ANKFY1: variants seen among roughly 807,000 people sequenced by gnomAD.
ANKFY1 encodes the protein ankyrin repeat and FYVE domain-containing protein 1.
ANKFY1 carries 47 observed loss-of-function variants against 128.3 expected under a neutral mutation model. That is an observed-to-expected ratio of 0.37 (90% CI 0.29 to 0.47). The LOEUF (loss-of-function observed/expected upper bound fraction) is 0.47, where lower values mean the gene tolerates loss of function less well. ANKFY1 is among the 20% of genes least tolerant of loss of function. The probability of loss-of-function intolerance (pLI) is 1.00; values close to 1 mark genes in which losing one functional copy is unlikely to be tolerated. For missense variants in ANKFY1, 1,222 were observed against 1,510.6 expected (o/e 0.81, Z 3.17); for synonymous variants, 553 against 601.6 (o/e 0.92, Z 1.18).
chr17:4,174,353 C>T (rs1450316353), intron 19 of ANKFY1, among the ~76,000 whole-genome samples: 3 of 152,230 alleles, frequency 2.0e-5, no homozygotes, highest in South Asian at 2.1e-4. Context: ...CAGTGATGGC[C>T]GCTGTACTAT....
At chr17:4,244,862 G>C (rs1487740352) in intron 1 of ANKFY1, among the ~76,000 whole-genome samples, 20 of 151,930 alleles carry the variant, frequency 1.3e-4, no homozygotes, top group Admixed American at 1.3e-3. Flanking sequence ...GTCAGCATAC[G>C]AGCCAGTTTA....
rs111450103 is a variant in ANKFY1 at position 4,199,500 on chromosome 17, T to C, written c.899-1923A>G. The stretch of plus-strand genomic sequence containing the variant: ...AGCCACTGTGTCTGGCCAAAATTCA[T>C]TAATTTTAATAGTTTCATTTACCAT... On this transcript the variant is annotated intron_variant, in intron 7 of 24. Transcript: ENST00000341657. 7.3e-3 allele frequency among the ~76,000 whole-genome samples: 1,117 copies of C among 152,332 alleles called. 16 individuals are homozygous for C. Among genetic ancestry groups the C allele is most frequent in the African/African-American group, 0.026 (1,063 of 41,578 alleles).
At chr17:4,209,059 C>CAA (rs60135844) in intron 5 of ANKFY1, among the ~76,000 whole-genome samples, 1 of 147,310 alleles carries the variant, frequency 6.8e-6, no homozygotes, top group African/African-American at 2.5e-5. Flanking sequence ...AACTCAGTCT[C>CAA]AAAAAAAAAA....
intron 19 of ANKFY1, among the ~76,000 whole-genome samples, chr17:4,175,491 G>A (rs910915071): frequency 2.0e-5 from 3 of 152,178 alleles, no homozygotes; most frequent in African/African-American, 7.2e-5. Context: ...GCTGTAAACA[G>A]AAAATACATG....
intron 10 of ANKFY1, among the ~76,000 whole-genome samples, chr17:4,191,606 A>C (rs1007640134): frequency 2.1e-5 from 3 of 145,630 alleles, no homozygotes; most frequent in African/African-American, 5.1e-5. Flanking sequence ...TGGTTACTCT[A>C]ATCTGGAGAC....
intron 4 of ANKFY1, among the ~76,000 whole-genome samples, chr17:4,215,447 C>T (rs2060205488): frequency 6.6e-6 from 1 of 152,134 alleles, no homozygotes; most frequent in Non-Finnish European, 1.5e-5. Flanking sequence ...ACAAAAAGAG[C>T]AACGGCTGCT....
intron 1 of ANKFY1, among the ~76,000 whole-genome samples, chr17:4,253,970 A>G (rs917620314): frequency 2.6e-5 from 4 of 152,198 alleles, no homozygotes; most frequent in African/African-American, 7.2e-5. Context: ...GCATTGACCA[A>G]AACATCATTA....
rs1195931016 is a variant in ANKFY1 at position 4,213,960 on chromosome 17, C to T, written c.458+3023G>A. ...ACCACAGCAATGTCTGACAAAGTCA[C>T]TCTAACCTCAGCCATGAAATCAGAG... On this transcript the variant is annotated intron_variant, in intron 4 of 24. Coordinates refer to ENST00000341657, the MANE Select transcript of ANKFY1 (RefSeq NM_001330063.2). Among the ~76,000 whole-genome samples, 9 of 152,158 alleles carry T rather than the reference C, an allele frequency of 5.9e-5. 1 individual carries two copies. In the East Asian group the frequency reaches 1.7e-3, roughly 29 times the overall value.
intron 3 of ANKFY1, chr17:4,223,315 C>T: frequency 7.7e-7 from 1 of 1,291,980 alleles, no homozygotes; most frequent in South Asian, 1.2e-5. Context: ...TAGTAGAGGC[C>T]AATAATCCAC....
At chr17:4,262,721 G>C (rs1397872513) in intron 1 of ANKFY1, among the ~76,000 whole-genome samples, 1 of 151,862 alleles carries the variant, frequency 6.6e-6, no homozygotes, top group East Asian at 1.9e-4. Flanking sequence ...TACTCCAGCC[G>C]GTGGGACAGA....
chr17:4,230,721 TA>T, intron 3 of ANKFY1, among the ~76,000 whole-genome samples: 1 of 152,352 alleles, frequency 6.6e-6, no homozygotes, highest in South Asian at 2.1e-4. Context: ...ATGAAATGGT[TA>T]TAAGCTAATT....
intron 2 of ANKFY1, among the ~76,000 whole-genome samples, chr17:4,237,109 C>G (rs1966943130): frequency 6.6e-6 from 1 of 151,968 alleles, no homozygotes; most frequent in Non-Finnish European, 1.5e-5. Flanking sequence ...GCACTCCAGC[C>G]TGGGCAACAG....
intron 7 of ANKFY1, among the ~76,000 whole-genome samples, chr17:4,200,308 C>T (rs1055595309): frequency 3.3e-5 from 5 of 152,130 alleles, no homozygotes; most frequent in Admixed American, 2.0e-4. Flanking sequence ...AAGCAATCCG[C>T]CCACCTCAGC....
chr17:4,177,304 T>C lies in ANKFY1; in HGVS notation c.2599-2A>G, dbSNP rs1298640969. The C allele has an allele frequency of 6.3e-7, 1 of 1,584,414 alleles. No homozygotes were observed. The highest frequency in any genetic ancestry group is 8.6e-7 in the Non-Finnish European group (1 of 1,164,890). On this transcript the variant is annotated splice_acceptor_variant, in intron 18 of 24. Coordinates refer to ENST00000341657, the MANE Select transcript of ANKFY1 (RefSeq NM_001330063.2). LOFTEE classifies it high-confidence loss of function. ...GAAATTCCGGCCCTTGTTATCCACC[T>C]ACAGCAACAAGTGCAAAGCAAAATA...
At chr17:4,214,966 G>A (rs1307755866) in intron 4 of ANKFY1, among the ~76,000 whole-genome samples, 2 of 152,100 alleles carry the variant, frequency 1.3e-5, no homozygotes, top group Non-Finnish European at 2.9e-5. Context: ...AAGATTAACT[G>A]TCTTTTTTTA....
In ANKFY1 at chr17:4,235,889, C is replaced by T. The variant is rs764800361; in HGVS notation, c.205G>A (p.Asp69Asn). The change falls in exon 3 of 25, where the codon GAT becomes AAT. Residue 69 changes from aspartate to asparagine, a missense_variant and splice_region_variant. Coordinates refer to ENST00000341657, the MANE Select transcript of ANKFY1 (RefSeq NM_001330063.2). ...ADLYEQEQYS[D>N]LKIKVGDRHI... The stretch of plus-strand genomic sequence containing the variant: ...CTGTCCCCAACCTTTATCTTCAGAT[C>T]GCTGATGAAGAAAAAGATCCACATA... 3.7e-6 allele frequency: 6 copies of T among 1,606,316 alleles called. No individual in the cohort carries two copies. Among genetic ancestry groups the T allele is most frequent in the Non-Finnish European group, 5.1e-6 (6 of 1,173,198 alleles).
chr17:4,255,540 G>A (rs950078539), intron 1 of ANKFY1, among the ~76,000 whole-genome samples: 4 of 151,788 alleles, frequency 2.6e-5, no homozygotes, highest in Non-Finnish European at 5.9e-5. Context: ...ATAAGCCACC[G>A]TGCCCAGTCT....
At chr17:4,222,702 C>T (rs942503537) in intron 3 of ANKFY1, 6 of 866,470 alleles carry the variant, frequency 6.9e-6, no homozygotes, top group Non-Finnish European at 1.0e-5. Flanking sequence ...CACTTCTACG[C>T]GTGTTTTATA....
At chr17:4,210,296 C>T (rs2060102230) in intron 4 of ANKFY1, among the ~76,000 whole-genome samples, 1 of 152,190 alleles carries the variant, frequency 6.6e-6, no homozygotes, top group South Asian at 2.1e-4. Flanking sequence ...CTCTGTCCTT[C>T]AAAGAAAATT....
Sources: gnomAD v4.1 joint callset for allele counts (sites outside exome capture counted in the v4.1 genomes callset) on GRCh38, gnomAD v4.1.1 for gene constraint, MANE v1.5 for transcripts, NCBI Gene and HGNC (gene_info 2026-07-23, HGNC 2026-07-21) for gene names.